SLC8A1: variants seen among roughly 807,000 people sequenced by gnomAD.
The protein encoded by SLC8A1 is sodium/calcium exchanger 1.
Under a neutral mutation model 68.3 loss-of-function variants are expected in SLC8A1, and 18 were observed. That is an observed-to-expected ratio of 0.26 (90% CI 0.18 to 0.39). SLC8A1 has a LOEUF of 0.39. Among genes scored for constraint, SLC8A1 ranks in the 10% least tolerant of loss-of-function variants. The pLI is 1.00. For synonymous variants in SLC8A1, 475 were observed against 415.5 expected (o/e 1.14, Z -1.74); for missense variants, 985 against 1,156.7 (o/e 0.85, Z 2.15).
intron 2 of SLC8A1, chr2:40,255,291 GAGTGGGCAGAA>G (rs1359096699): frequency 6.6e-6 from 1 of 152,082 alleles, no homozygotes; most frequent in Non-Finnish European, 1.5e-5. Flanking sequence ...TGCAGGCTGT[GAGTGGGCAGAA>G]AACCAGCTGG....
chr2:40,418,759 T>C (rs1008191843), intron 2 of SLC8A1, among the ~76,000 whole-genome samples: 1 of 152,174 alleles, frequency 6.6e-6, no homozygotes, highest in Non-Finnish European at 1.5e-5. Flanking sequence ...TTTGAGTTGT[T>C]CCTAATCTCT....
chr2:40,190,566 A>C (rs1407712620), intron 2 of SLC8A1: 1 of 152,198 alleles, frequency 6.6e-6, no homozygotes, highest in Non-Finnish European at 1.5e-5. Context: ...AACAGAAAGA[A>C]ATGCATGATT....
At chr2:40,446,334 G>C (rs931419120) in intron 1 of SLC8A1, 1 of 152,158 alleles carries the variant, frequency 6.6e-6, no homozygotes, top group African/African-American at 2.4e-5. Flanking sequence ...TTCAGATCCT[G>C]TTTCTGTGGC....
At chr2:40,463,675 G>T (rs1703470677) in intron 1 of SLC8A1, among the ~76,000 whole-genome samples, 1 of 151,972 alleles carries the variant, frequency 6.6e-6, no homozygotes, top group Non-Finnish European at 1.5e-5. Context: ...ATTAGTAATT[G>T]CCACAATGAC....
At chr2:40,436,451 G>C (rs1043115109) in intron 1 of SLC8A1, among the ~76,000 whole-genome samples, 1 of 152,102 alleles carries the variant, frequency 6.6e-6, no homozygotes, top group Non-Finnish European at 1.5e-5. Context: ...ACATGATTCA[G>C]ACTCATGAGC....
intron 2 of SLC8A1, among the ~76,000 whole-genome samples, chr2:40,215,893 G>A (rs1373326505): frequency 6.6e-6 from 1 of 151,906 alleles, no homozygotes; most frequent in East Asian, 1.9e-4. Context: ...AACCAGTGGA[G>A]ATTTGTTTTT....
intron 2 of SLC8A1, among the ~76,000 whole-genome samples, chr2:40,270,251 G>A (rs913479836): frequency 6.6e-6 from 1 of 152,202 alleles, no homozygotes; most frequent in African/African-American, 2.4e-5. Context: ...GATCCACAGT[G>A]GTGCCAGAAG....
intron 1 of SLC8A1, among the ~76,000 whole-genome samples, chr2:40,438,148 C>T (rs902009088): frequency 6.6e-6 from 1 of 152,104 alleles, no homozygotes; most frequent in South Asian, 2.1e-4. Context: ...AGAGGCAGAG[C>T]CTTGGACTCT....
At chr2:40,196,386 C>T (rs1265054735) in intron 2 of SLC8A1, among the ~76,000 whole-genome samples, 2 of 151,844 alleles carry the variant, frequency 1.3e-5, no homozygotes. Context: ...GCTCATTTCA[C>T]CTTGAGAAAT....
At chr2:40,301,207 G>A (rs554248377) in intron 2 of SLC8A1, among the ~76,000 whole-genome samples, 4 of 152,252 alleles carry the variant, frequency 2.6e-5, no homozygotes, top group South Asian at 2.1e-4. Flanking sequence ...TTTGCTAAGT[G>A]CTCTATATGT....
intron 2 of SLC8A1, among the ~76,000 whole-genome samples, chr2:40,300,909 T>C (rs890758203): frequency 6.6e-6 from 1 of 152,148 alleles, no homozygotes; most frequent in Non-Finnish European, 1.5e-5. Flanking sequence ...CTCACACTAG[T>C]AGGTTAAGAT....
intron 5 of SLC8A1, among the ~76,000 whole-genome samples, chr2:40,162,763 C>G (rs1396228007): frequency 2.0e-5 from 3 of 152,082 alleles, no homozygotes; most frequent in Non-Finnish European, 1.5e-5. Flanking sequence ...CAGTTTTTCA[C>G]TGCACTAGAT....
chr2:40,463,127 C>T (rs1481698089), intron 1 of SLC8A1, among the ~76,000 whole-genome samples: 3 of 152,080 alleles, frequency 2.0e-5, no homozygotes, highest in Non-Finnish European at 2.9e-5. Flanking sequence ...TGGGCTTAGA[C>T]GTTTTCTAAG....
intron 2 of SLC8A1, among the ~76,000 whole-genome samples, chr2:40,285,182 C>A (rs1474502398): frequency 6.6e-6 from 1 of 152,108 alleles, no homozygotes; most frequent in African/African-American, 2.4e-5. Context: ...AAATAGAAAC[C>A]TGAGAAGATC....
At chr2:40,500,881 A>G (rs1173696243) in intron 1 of SLC8A1, among the ~76,000 whole-genome samples, 1 of 144,314 alleles carries the variant, frequency 6.9e-6, no homozygotes, top group African/African-American at 2.6e-5. Flanking sequence ...AACTTTTACA[A>G]AGGTAAACTA....
chr2:40,238,351 G>A (rs1574515260), intron 2 of SLC8A1, among the ~76,000 whole-genome samples: 1 of 152,310 alleles, frequency 6.6e-6, no homozygotes, highest in East Asian at 1.9e-4. Flanking sequence ...GTATTCGGGT[G>A]GGAGTGACCC....
chr2:40,400,947 G>C (rs1688544068), intron 2 of SLC8A1, among the ~76,000 whole-genome samples: 1 of 152,146 alleles, frequency 6.6e-6, no homozygotes, highest in African/African-American at 2.4e-5. Flanking sequence ...TTGGGAGAGA[G>C]GAGGAGAAAA....
chr2:40,301,672 A>G (rs1183238205), intron 2 of SLC8A1, among the ~76,000 whole-genome samples: 2 of 152,156 alleles, frequency 1.3e-5, no homozygotes, highest in Non-Finnish European at 2.9e-5. Flanking sequence ...ATCCCAGCAC[A>G]TTGGGAGGCT....
intron 2 of SLC8A1, among the ~76,000 whole-genome samples, chr2:40,284,500 G>C (rs967175531): frequency 5.7e-5 from 8 of 139,872 alleles, no homozygotes; most frequent in Admixed American, 4.2e-4. Context: ...TACATATCTA[G>C]CCAACAATAT....
Sources: gnomAD v4.1 joint callset for allele counts (sites outside exome capture counted in the v4.1 genomes callset) on GRCh38, gnomAD v4.1.1 for gene constraint, MANE v1.5 for transcripts, NCBI Gene and HGNC (gene_info 2026-07-23, HGNC 2026-07-21) for gene names.